MCCC1: variants seen among roughly 807,000 people sequenced by gnomAD.
MCCC1 encodes the protein methylcrotonoyl-CoA carboxylase subunit alpha, mitochondrial.
Under a neutral mutation model 83.8 loss-of-function variants are expected in MCCC1, and 64 were observed. The observed-to-expected ratio is 0.76, with a 90% CI of 0.62 to 0.94. The LOEUF (loss-of-function observed/expected upper bound fraction) is 0.94. Ranked by LOEUF, MCCC1 falls within the 40% of genes least tolerant of loss-of-function variation. MCCC1 has a pLI of 0.00. For missense variants in MCCC1, 807 were observed against 904.7 expected, an observed-to-expected ratio of 0.89 and a Z score of 1.39; for synonymous variants, 322 against 315.4, an observed-to-expected ratio of 1.02 and a Z score of -0.22.
intron 12 of MCCC1, among the ~76,000 whole-genome samples, chr3:183,038,802 C>G (rs1178066464): frequency 6.6e-6 from 1 of 152,224 alleles, no homozygotes; most frequent in Non-Finnish European, 1.5e-5. Flanking sequence ...AGCACTGACA[C>G]TAACAATTTT....
At position 183,041,688 on chromosome 3, in the gene MCCC1, G is replaced by A. The variant is rs762544072; in HGVS notation, c.1146C>T (p.Phe382=). Residue 382 remains phenylalanine (F), a synonymous_variant, in exon 11 of 19, where the codon TTC becomes TTT. Coordinates refer to ENST00000265594, the MANE Select transcript of MCCC1 (RefSeq NM_020166.5). ...GATCTTCTGCATATATTCTAGCTTC[G>A]AAGGCATGGCCCTGCAGAGTTATTT... ...QEEITLQGHA[F]EARIYAEDPS... 12 of 1,614,148 alleles carry A rather than the reference G, an allele frequency of 7.4e-6. No individual in the cohort carries two copies. Among genetic ancestry groups the A allele is most frequent in the South Asian group, 1.1e-5 (1 of 91,074 alleles).
At chr3:183,052,681 G>A (rs907663392) in intron 8 of MCCC1, among the ~76,000 whole-genome samples, 2 of 151,996 alleles carry the variant, frequency 1.3e-5, no homozygotes, top group Middle Eastern at 3.4e-3. Context: ...ATGGTGGCGG[G>A]CGCCTGTAGT....
chr3:183,034,466 AAAAC>A (rs1400396073), intron 13 of MCCC1, among the ~76,000 whole-genome samples: 3 of 150,950 alleles, frequency 2.0e-5, no homozygotes, highest in Non-Finnish European at 4.4e-5. Flanking sequence ...AAAAAAAAAA[AAAAC>A]AAAAAAACAC....
intron 5 of MCCC1, 105 bp from the exon 6 acceptor site, chr3:183,071,462 A>G: frequency 1.3e-6 from 2 of 1,525,142 alleles, no homozygotes; most frequent in Middle Eastern, 1.7e-4. Flanking sequence ...GAACTCTTTA[A>G]AGAAAACATC....
intron 3 of MCCC1, among the ~76,000 whole-genome samples, chr3:183,087,810 T>TA (rs1718007351): frequency 7.0e-6 from 1 of 143,730 alleles, no homozygotes; most frequent in South Asian, 2.2e-4. Context: ...GCGGAGCTTG[T>TA]AGTGAGCCGA....
chr3:183,040,729 AAAACAAACAAAAAAAC>A (rs558447696), intron 11 of MCCC1, among the ~76,000 whole-genome samples: 458 of 152,234 alleles, frequency 3.0e-3, no homozygotes, highest in African/African-American at 0.01. Flanking sequence ...CTCAAAAACA[AAAACAAACAAAAAAAC>A]AAACAAACAA....
chr3:183,065,856 T>C (rs1716218911), intron 7 of MCCC1, among the ~76,000 whole-genome samples: 1 of 152,240 alleles, frequency 6.6e-6, no homozygotes, highest in East Asian at 1.9e-4. Flanking sequence ...ATCTGCTCTT[T>C]AACAAAAATT....
At chr3:183,019,606 A>G (rs904204827) in intron 17 of MCCC1, among the ~76,000 whole-genome samples, 1 of 152,200 alleles carries the variant, frequency 6.6e-6, no homozygotes, top group African/African-American at 2.4e-5. Flanking sequence ...TCTATTGTTT[A>G]AAAGCCACCC....
chr3:183,055,122 G>GCATTAAAAAGGATAAAAA (rs1238307871), intron 8 of MCCC1, among the ~76,000 whole-genome samples: 2 of 152,140 alleles, frequency 1.3e-5, no homozygotes, highest in East Asian at 3.8e-4. Context: ...ATAAAAAGCT[G>GCATTAAAAAGGATAAAAA]GCCGGGTGCG....
chr3:183,042,753 A>C lies in MCCC1; in HGVS notation c.1084-1003T>G, dbSNP rs73068848. On this transcript the variant is annotated intron_variant, in intron 10 of 18. Coordinates refer to ENST00000265594, the MANE Select transcript of MCCC1 (RefSeq NM_020166.5). ...TGTCTCTATACTTACTTTGTCATCTAGACAAGTTTCTTAAGCTTTCCATGC... is the reference window on the plus strand; with the variant it reads ...TGTCTCTATACTTACTTTGTCATCTCGACAAGTTTCTTAAGCTTTCCATGC... Among the ~76,000 whole-genome samples the C allele has an allele frequency of 9.7e-3, 1,484 of 152,312 alleles. 30 individuals are homozygous for C. The highest frequency in any genetic ancestry group is 0.034 in the African/African-American group (1,419 of 41,564).
chr3:183,091,272 A>T lies in MCCC1; in HGVS notation c.273+1137T>A, dbSNP rs538027822. On this transcript the variant is annotated intron_variant, in intron 3 of 18. Coordinates refer to ENST00000265594, the MANE Select transcript of MCCC1 (RefSeq NM_020166.5). The stretch of plus-strand genomic sequence containing the variant: ...ATGCTTGGAGTTATTTCTGGTGGAT[A>T]AAAGCTAGTGATAGGCTGGGCGCAG... Among the ~76,000 whole-genome samples, 29 of 152,282 alleles carry T rather than the reference A, an allele frequency of 1.9e-4. No individual in the cohort carries two copies. In the South Asian group the frequency reaches 5.8e-3, roughly 30 times the overall value.
In MCCC1 at chr3:183,072,419, T is replaced by C. The variant is rs139987877; in HGVS notation, c.438A>G (p.Gly146=). The change falls in exon 5 of 19, where the codon GGA becomes GGG. Residue 146 remains glycine (G), a synonymous_variant. Transcript: ENST00000265594. ...ATGGAGGAGGGCCTATAAAAATAAT[T>C]CCTTCTTGCTTACAAAGTTCAGCAA... ...MEFAELCKQE[G]IIFIGPPPSA... 103 of 1,613,864 alleles carry C rather than the reference T, an allele frequency of 6.4e-5. No individual in the cohort carries two copies. In the African/African-American group the frequency reaches 8.0e-4, roughly 13 times the overall value.
At chr3:183,077,692 A>T (rs757933445) in intron 4 of MCCC1, among the ~76,000 whole-genome samples, 2 of 152,180 alleles carry the variant, frequency 1.3e-5, no homozygotes, top group African/African-American at 2.4e-5. Context: ...CCAAGGTCTC[A>T]AAGATTTTCT....
chr3:183,099,003 C>T (rs561911896), intron 1 of MCCC1: 1 of 434,904 alleles, frequency 2.3e-6, no homozygotes, highest in Non-Finnish European at 4.2e-6. Flanking sequence ...ATTATAACAA[C>T]GCTCCCACCT....
At chr3:183,101,188 A>G (rs1165220741), upstream of MCCC1, among the ~76,000 whole-genome samples, 3 of 152,192 alleles carry the variant, frequency 2.0e-5, no homozygotes, top group Non-Finnish European at 4.4e-5. Context: ...CACCCACTCC[A>G]TGGGCTCCTG....
chr3:183,054,398 G>A (rs186960447), intron 8 of MCCC1, among the ~76,000 whole-genome samples: 83 of 151,652 alleles, frequency 5.5e-4, no homozygotes, highest in African/African-American at 1.9e-3. Flanking sequence ...TGTGTTAGCC[G>A]GGATGGTCTC....
chr3:183,047,988 T>C (rs191145543), intron 9 of MCCC1, among the ~76,000 whole-genome samples: 5 of 152,346 alleles, frequency 3.3e-5, no homozygotes, highest in Non-Finnish European at 7.4e-5. Context: ...TATCTACATA[T>C]ATCTAAACCT....
In MCCC1 at chr3:183,071,056, GCTTCTC is replaced by G; in HGVS notation, c.698_703del (p.Arg233_Ala235delinsThr). 1 of 1,614,138 alleles carries G rather than the reference GCTTCTC, an allele frequency of 6.2e-7. No individual in the cohort carries two copies. Among genetic ancestry groups the G allele is most frequent in the Non-Finnish European group, 8.5e-7 (1 of 1,180,016 alleles). Reference sequence around the variant, plus strand: ...AGCATCATCATTGAAAGACTTCTTAGCTTCTCTCCGTGCTGACTCTAACTGTTCTTG... The same window carrying G: ...AGCATCATCATTGAAAGACTTCTTAGTCCGTGCTGACTCTAACTGTTCTTG... On this transcript the variant is annotated inframe_deletion, in exon 7 of 19. Coordinates refer to ENST00000265594, the MANE Select transcript of MCCC1 (RefSeq NM_020166.5).
At chr3:183,017,943 G>A (rs1204660701) in intron 17 of MCCC1, 4 of 123,358 alleles carry the variant, frequency 3.2e-5, no homozygotes, top group African/African-American at 1.2e-4. Flanking sequence ...AGGCCTACAG[G>A]TCAAATGCAC....
Sources: allele counts gnomAD v4.1 joint callset (sites outside exome capture counted in the v4.1 genomes callset), GRCh38; gene constraint gnomAD v4.1.1; transcripts MANE v1.5; gene names NCBI Gene and HGNC (gene_info 2026-07-23, HGNC 2026-07-21).